Variants in GRIP1 observed in about 807,000 individuals in gnomAD.
GRIP1 encodes the protein glutamate receptor interacting protein 1.
In GRIP1, 45 loss-of-function variants were observed where a neutral mutation model predicts 129.9. The observed-to-expected ratio is 0.35, with a 90% confidence interval of 0.27 to 0.44. GRIP1 has a LOEUF of 0.44. Among genes scored for constraint, GRIP1 ranks in the 20% least tolerant of loss-of-function variants. GRIP1 has a pLI of 1.00. For synonymous variants in GRIP1, 530 were observed against 520.8 expected, an observed-to-expected ratio of 1.02 and a Z score of -0.24; for missense variants, 1,196 against 1,396.8, an observed-to-expected ratio of 0.86 and a Z score of 2.29.
chr12:66,690,206 C>G (rs2034931389), intron 1 of GRIP1, among the ~76,000 whole-genome samples: 1 of 152,110 alleles, frequency 6.6e-6, no homozygotes, highest in Non-Finnish European at 1.5e-5. Flanking sequence ...AGGCGTGAAC[C>G]ACCACATCCA....
Position 66,420,772 on chromosome 12 carries a change from G to A in GRIP1, c.1786C>T (p.Pro596Ser), listed in dbSNP as rs748683277. 20 of 1,575,122 alleles carry A rather than the reference G, an allele frequency of 1.3e-5. No individual in the cohort carries two copies. Among genetic ancestry groups the A allele is most frequent in the Non-Finnish European group, 1.7e-5 (20 of 1,144,478 alleles). ...ITISSPSSRK[P>S]GDPLVISDIK... ...TCTGAAATGACGAGGGGGTCTCCTG[G>A]TTTTCTACTGGATGGTGCTGTAATA... The change falls in exon 15 of 25, where the codon CCA (proline) becomes TCA (serine). Residue 596 changes from proline (P) to serine (S), a missense_variant. Around this residue, in one of 5 missense-constraint regions of GRIP1, gnomAD observed 508 missense variants for 587.0 expected, o/e 0.87. Coordinates refer to ENST00000359742, the MANE Select transcript of GRIP1 (RefSeq NM_001366722.1).
intron 1 of GRIP1, among the ~76,000 whole-genome samples, chr12:67,054,350 C>G (rs1169538853): frequency 6.6e-6 from 1 of 152,134 alleles, no homozygotes; most frequent in African/African-American, 2.4e-5. Flanking sequence ...AGTAACGAAA[C>G]AGATAAAAAT....
intron 1 of GRIP1, among the ~76,000 whole-genome samples, chr12:66,757,143 G>A (rs944164198): frequency 2.0e-5 from 3 of 151,814 alleles, no homozygotes; most frequent in African/African-American, 4.8e-5. Flanking sequence ...ATAAATTATT[G>A]TTGACGGTTG....
intron 1 of GRIP1, among the ~76,000 whole-genome samples, chr12:66,714,491 T>C (rs1413481951): frequency 6.6e-6 from 1 of 152,062 alleles, no homozygotes; most frequent in Non-Finnish European, 1.5e-5. Context: ...CAGAATCTAT[T>C]TAAAATAAAT....
Position 66,395,708 on chromosome 12 carries a change from T to C in GRIP1, c.1985-1356A>G, listed in dbSNP as rs147028521. ...TCCACACATTCAGAACTAAAGACCA[T>C]CCACCACACACTGCAATGCTTAAGT... On this transcript the variant is annotated intron_variant, in intron 16 of 24. Coordinates refer to ENST00000359742, the MANE Select transcript of GRIP1 (RefSeq NM_001366722.1). Among the ~76,000 whole-genome samples, 6 of 152,282 alleles carry C rather than the reference T, an allele frequency of 3.9e-5. No homozygotes were observed. The East Asian group carries it at 7.7e-4, about 20-fold the overall frequency.
In GRIP1 at chr12:66,543,670, A is replaced by T. The variant is rs183992771; in HGVS notation, c.137-1720T>A. 2.2e-3 allele frequency among the ~76,000 whole-genome samples: 334 copies of T among 152,320 alleles called. 4 individuals are homozygous for T. The East Asian group carries it at 0.054, about 25-fold the overall frequency. On this transcript the variant is annotated intron_variant, in intron 2 of 24. Coordinates refer to ENST00000359742, the MANE Select transcript of GRIP1 (RefSeq NM_001366722.1). The stretch of plus-strand genomic sequence containing the variant: ...CAGAAGGCTAGGTATAAATTTTTTT[A>T]AAATAAAGTTAATAATTAAAGTAAC...
At chr12:66,556,441 A>G (rs1331500420) in intron 2 of GRIP1, among the ~76,000 whole-genome samples, 1 of 152,166 alleles carries the variant, frequency 6.6e-6, no homozygotes, top group Non-Finnish European at 1.5e-5. Context: ...GAATTCTTCA[A>G]TCTGAAAGAA....
chr12:66,775,388 T>C (rs901052758), intron 1 of GRIP1, among the ~76,000 whole-genome samples: 22 of 152,296 alleles, frequency 1.4e-4, no homozygotes, highest in African/African-American at 4.8e-4. Context: ...ACAGTAGAAG[T>C]TGTAGAATCA....
At chr12:66,721,827 G>C (rs753918158) in intron 1 of GRIP1, among the ~76,000 whole-genome samples, 14 of 152,210 alleles carry the variant, frequency 9.2e-5, no homozygotes, top group Non-Finnish European at 1.6e-4. Flanking sequence ...TTCCACATCA[G>C]CACTTGCTGC....
intron 1 of GRIP1, among the ~76,000 whole-genome samples, chr12:66,708,371 A>T (rs934135896): frequency 6.6e-6 from 1 of 152,018 alleles, no homozygotes; most frequent in African/African-American, 2.4e-5. Context: ...TTTAAACTCG[A>T]GCTACCTAAT....
At chr12:66,446,898 A>T (rs1319289076) in intron 11 of GRIP1, among the ~76,000 whole-genome samples, 3 of 152,184 alleles carry the variant, frequency 2.0e-5, no homozygotes. Context: ...TGTTGATCAC[A>T]TACCCTTTAT....
chr12:66,785,350 A>G (rs1197628436), intron 1 of GRIP1, among the ~76,000 whole-genome samples: 1 of 137,198 alleles, frequency 7.3e-6, no homozygotes. Flanking sequence ...ATACATATAT[A>G]TATATATATA....
At chr12:67,039,545 CAA>C (rs2043145477) in intron 1 of GRIP1, among the ~76,000 whole-genome samples, 1 of 152,108 alleles carries the variant, frequency 6.6e-6, no homozygotes, top group South Asian at 2.1e-4. Context: ...GGGTGCTAGT[CAA>C]AAGTCAATTA....
chr12:66,454,780 T>C (rs2058907153), intron 11 of GRIP1, among the ~76,000 whole-genome samples: 1 of 152,140 alleles, frequency 6.6e-6, no homozygotes, highest in Admixed American at 6.6e-5. Flanking sequence ...CCAATCTTCC[T>C]TAGGCTGGAG....
At chr12:66,636,650 T>C (rs913925520) in intron 1 of GRIP1, among the ~76,000 whole-genome samples, 2 of 151,848 alleles carry the variant, frequency 1.3e-5, no homozygotes, top group Non-Finnish European at 2.9e-5. Flanking sequence ...AAATGAGGTC[T>C]TAAGCATGAA....
intron 7 of GRIP1, among the ~76,000 whole-genome samples, chr12:66,512,521 A>C (rs1032213198): frequency 6.8e-6 from 1 of 146,636 alleles, no homozygotes; most frequent in Non-Finnish European, 1.5e-5. Flanking sequence ...ATGGAAGTCC[A>C]TAAATAACTT....
chr12:66,925,062 G>A (rs2041274848), intron 1 of GRIP1, among the ~76,000 whole-genome samples: 2 of 152,180 alleles, frequency 1.3e-5, no homozygotes, highest in African/African-American at 4.8e-5. Context: ...TAAAAGAAAT[G>A]ATGAGACTCT....
intron 1 of GRIP1, among the ~76,000 whole-genome samples, chr12:66,915,683 G>A (rs2041109215): frequency 6.6e-6 from 1 of 152,140 alleles, no homozygotes; most frequent in African/African-American, 2.4e-5. Context: ...AACAGGGTGG[G>A]GCCTATGTCT....
chr12:66,902,230 T>C (rs1156278083), intron 1 of GRIP1, among the ~76,000 whole-genome samples: 1 of 152,206 alleles, frequency 6.6e-6, no homozygotes, highest in Non-Finnish European at 1.5e-5. Context: ...CAGACTTCTT[T>C]CCCACTCTCA....
Sources: gnomAD v4.1 joint callset for allele counts (sites outside exome capture counted in the v4.1 genomes callset) on GRCh38, gnomAD v4.1.1 for gene constraint, gnomAD v4.1.1 regional missense constraint, MANE v1.5 for transcripts, NCBI Gene and HGNC (gene_info 2026-07-23, HGNC 2026-07-21) for gene names.